Variants in SMARCAD1 observed in about 807,000 individuals in gnomAD.
The protein encoded by SMARCAD1 is SWI/SNF-related matrix-associated actin-dependent regulator of chromatin subfamily A containing DEAD/H box 1.
A neutral mutation model predicts 127.1 loss-of-function variants in SMARCAD1; 25 were observed. The observed-to-expected ratio is 0.20, with a 90% confidence interval of 0.14 to 0.27. The LOEUF (loss-of-function observed/expected upper bound fraction) is 0.27. Among genes scored for constraint, SMARCAD1 ranks in the 10% least tolerant of loss-of-function variants. The pLI is 1.00. For missense variants in SMARCAD1, 807 were observed against 1,206.0 expected, an observed-to-expected ratio of 0.67 and a Z score of 4.90; for synonymous variants, 400 against 396.9, an observed-to-expected ratio of 1.01 and a Z score of -0.09.
At chr4:94,274,680 A>C in intron 12 of SMARCAD1, 58 bp from the exon 13 acceptor site, 1 of 1,463,830 alleles carries the variant, frequency 6.8e-7, no homozygotes. Flanking sequence ...GTGTTAATTT[A>C]ACCATGTGAA....
intron 10 of SMARCAD1, among the ~76,000 whole-genome samples, chr4:94,266,307 T>G (rs1250875761): frequency 6.6e-6 from 1 of 152,134 alleles, no homozygotes; most frequent in Non-Finnish European, 1.5e-5. Context: ...TTTAAAAATT[T>G]CTCTCTCAAA....
intron 2 of SMARCAD1, among the ~76,000 whole-genome samples, chr4:94,219,849 T>G (rs570614308): frequency 1.3e-5 from 2 of 152,328 alleles, no homozygotes; most frequent in South Asian, 4.1e-4. Context: ...AAGGGCAAGT[T>G]GAACTGTAAC....
chr4:94,265,346 G>A (rs982735728), intron 10 of SMARCAD1, among the ~76,000 whole-genome samples: 2 of 151,662 alleles, frequency 1.3e-5, no homozygotes, highest in Non-Finnish European at 2.9e-5. Context: ...ATCCCATACT[G>A]TGATGAAATG....
intron 5 of SMARCAD1, among the ~76,000 whole-genome samples, chr4:94,238,411 T>C (rs978785700): frequency 5.3e-5 from 8 of 152,316 alleles, no homozygotes; most frequent in Non-Finnish European, 1.0e-4. Context: ...CTACTTCTTA[T>C]GGTGCCTGGT....
rs755677104 is a variant in SMARCAD1, at chr4:94,289,817, A to G, written c.*283A>G. Reference sequence around the variant, plus strand: ...GGGGATTAGTTGGTGATTGTTTGTAACAAATATGCTAATGCTTTAGAAATG... The same window carrying G: ...GGGGATTAGTTGGTGATTGTTTGTAGCAAATATGCTAATGCTTTAGAAATG... On this transcript the variant is annotated 3_prime_UTR_variant, in exon 24 of 24. Transcript: ENST00000354268. 1.9e-6 allele frequency: 1 copy of G among 534,418 alleles called. No homozygotes were observed. The highest frequency in any genetic ancestry group is 1.5e-5 in the South Asian group (1 of 64,742). The allele number at this position is 534,418 out of a possible 1,614,324, so 33.1% of individuals were successfully genotyped here. A position where few individuals can be genotyped will look rare whatever the true frequency, so the allele number is the denominator to read the frequency against.
chr4:94,275,319 A>G (rs747158284), intron 14 of SMARCAD1, among the ~76,000 whole-genome samples: 119 of 152,192 alleles, frequency 7.8e-4, no homozygotes, highest in Non-Finnish European at 1.1e-3. Context: ...AATAAATACA[A>G]TGAAATTTCA....
intron 10 of SMARCAD1, among the ~76,000 whole-genome samples, chr4:94,269,277 C>A (rs1752185717): frequency 6.6e-6 from 1 of 152,118 alleles, no homozygotes; most frequent in South Asian, 2.1e-4. Context: ...ATAGCTATGT[C>A]CAGACCCTTC....
intron 2 of SMARCAD1, among the ~76,000 whole-genome samples, chr4:94,222,955 C>G (rs1483360163): frequency 3.9e-5 from 6 of 151,944 alleles, no homozygotes; most frequent in Non-Finnish European, 8.8e-5. Flanking sequence ...CAGAGCAAGA[C>G]TCTGTCTCAA....
intron 21 of SMARCAD1, among the ~76,000 whole-genome samples, chr4:94,282,102 T>TTG (rs1277026699): frequency 1.7e-4 from 14 of 81,876 alleles, no homozygotes; most frequent in African/African-American, 6.7e-4. Flanking sequence ...GTTTTTTTGT[T>TTG]TTTTTTTTTT....
At chr4:94,253,559 A>T in intron 9 of SMARCAD1, 2 of 1,094,052 alleles carry the variant, frequency 1.8e-6, no homozygotes, top group Non-Finnish European at 2.2e-6. Context: ...TTGGTTAAGC[A>T]ACGTGGCCAT....
Position 94,277,470 on chromosome 4 carries a change from A to T in SMARCAD1, c.2082+311A>T, listed in dbSNP as rs537401802. 7.9e-4 allele frequency among the ~76,000 whole-genome samples: 120 copies of T among 152,352 alleles called. 1 individual carries two copies. The highest frequency in any genetic ancestry group is 2.8e-3 in the African/African-American group (116 of 41,590). On this transcript the variant is annotated intron_variant, in intron 16 of 23. Coordinates refer to ENST00000354268, the MANE Select transcript of SMARCAD1 (RefSeq NM_020159.5). ...AAAGTTTGATCATTACATCATCTGT[A>T]TCAAAATTGGCTACGTAAATTAGTA...
intron 20 of SMARCAD1, 32 bp from the exon 21 acceptor site, chr4:94,281,440 T>C (rs775063536): frequency 1.4e-6 from 2 of 1,450,496 alleles, no homozygotes; most frequent in Admixed American, 1.7e-5. Flanking sequence ...AACGATTTTT[T>C]CTATTTCTAA....
At chr4:94,210,877 T>C (rs956887427) in intron 2 of SMARCAD1, among the ~76,000 whole-genome samples, 1 of 130,430 alleles carries the variant, frequency 7.7e-6, no homozygotes. Context: ...GAGGTTGCAG[T>C]GAGCCTAGAT....
rs762388383 is a variant in SMARCAD1 at position 94,291,044 on chromosome 4, A to G, written c.*1510A>G. The G allele has an allele frequency of 5.2e-5, 23 of 440,194 alleles. No individual in the cohort carries two copies. Among genetic ancestry groups the G allele is most frequent in the South Asian group, 3.8e-4 (23 of 60,998 alleles). 27.3% of individuals were successfully genotyped at this position (440,194 alleles called of 1,614,324 possible). A position where few individuals can be genotyped will look rare whatever the true frequency, so the allele number is the denominator to read the frequency against. The stretch of plus-strand genomic sequence containing the variant: ...CTAAAAGGAGTCTTCATGTGTTAAT[A>G]CTACCTCCTTGTACATCACTATACC... On this transcript the variant is annotated 3_prime_UTR_variant, in exon 24 of 24. Coordinates refer to ENST00000354268, the MANE Select transcript of SMARCAD1 (RefSeq NM_020159.5).
chr4:94,211,065 A>G (rs1578972652), intron 2 of SMARCAD1, among the ~76,000 whole-genome samples: 1 of 151,790 alleles, frequency 6.6e-6, no homozygotes, highest in Non-Finnish European at 1.5e-5. Context: ...CTGAGGTTGG[A>G]AGTTCAAGAC....
chr4:94,209,186 C>G (rs749257503), intron 2 of SMARCAD1, among the ~76,000 whole-genome samples: 2 of 152,138 alleles, frequency 1.3e-5, no homozygotes, highest in Non-Finnish European at 2.9e-5. Context: ...GATTTCCACT[C>G]GAATCTATGT....
At chr4:94,239,888 T>TAAAAA (rs1417238991) in intron 5 of SMARCAD1, among the ~76,000 whole-genome samples, 9 of 152,150 alleles carry the variant, frequency 5.9e-5, no homozygotes, top group African/African-American at 2.2e-4. Flanking sequence ...CTGTTCTTTT[T>TAAAAA]AGGAAAGAAT....
rs577066660 is a variant in SMARCAD1, at chr4:94,229,632, G to A, written c.368+3336G>A. Among the ~76,000 whole-genome samples the A allele has an allele frequency of 8.5e-4, 130 of 152,130 alleles. 1 individual carries two copies. Among genetic ancestry groups the A allele is most frequent in the Non-Finnish European group, 1.6e-3 (107 of 67,984 alleles). ...CTCCAAGTAGTTCTGGTTCTTTTTA[G>A]TAGGAAATGATACTTGGAAATATAG... On this transcript the variant is annotated intron_variant, in intron 3 of 23. Transcript: ENST00000354268.
Position 94,280,891 on chromosome 4 carries a change from T to C in SMARCAD1, c.2607+111T>C, listed in dbSNP as rs1753915870. On this transcript the variant is annotated intron_variant, in intron 20 of 23. Transcript: ENST00000354268. ...TTAGCCTATGTCTGTTCTGCATTCT[T>C]CCAGAACTTAGTGTTTTGAACATTT... 5 of 1,019,616 alleles carry C rather than the reference T, an allele frequency of 4.9e-6. No homozygotes were observed. The South Asian group carries it at 7.0e-5, about 14-fold the overall frequency. 63.2% of individuals were successfully genotyped at this position (1,019,616 alleles called of 1,614,324 possible). A position where few individuals can be genotyped will look rare whatever the true frequency, so the allele number is the denominator to read the frequency against.
Sources: allele counts gnomAD v4.1 joint callset (sites outside exome capture counted in the v4.1 genomes callset), GRCh38; gene constraint gnomAD v4.1.1; transcripts MANE v1.5; gene names NCBI Gene and HGNC (gene_info 2026-07-23, HGNC 2026-07-21).